The following GLT1D1 variants were observed in gnomAD, a reference collection of about 807,000 sequenced individuals.
GLT1D1 encodes the protein glycosyltransferase 1 domain-containing protein 1.
A neutral mutation model predicts 28.7 loss-of-function variants in GLT1D1; 21 were observed. The observed-to-expected ratio is 0.73, with a 90% confidence interval of 0.52 to 1.05. GLT1D1 has a LOEUF of 1.05. GLT1D1 is among the 50% of genes least tolerant of loss of function. The pLI, the probability that GLT1D1 is intolerant of heterozygous loss-of-function variation, is 0.00. For missense variants in GLT1D1, 343 were observed against 330.6 expected (o/e 1.04, Z -0.29); for synonymous variants, 147 against 124.8 (o/e 1.18, Z -1.19).
intron 4 of GLT1D1, chr12:128,930,424 T>G (rs959689665): frequency 2.6e-5 from 4 of 152,214 alleles, no homozygotes; most frequent in African/African-American, 4.8e-5. Context: ...TTTCCAATTA[T>G]GAAAATTGCC....
intron 4 of GLT1D1, among the ~76,000 whole-genome samples, chr12:128,920,312 C>T (rs7302306): frequency 0.26 from 38,785 of 152,014 alleles, 6,191 homozygotes; most frequent in Non-Finnish European, 0.35. Flanking sequence ...TTCGGGAGGC[C>T]GGAGGCCGAG....
chr12:128,924,614 G>A (rs1213369419), intron 4 of GLT1D1, among the ~76,000 whole-genome samples: 5 of 151,662 alleles, frequency 3.3e-5, no homozygotes, highest in South Asian at 2.1e-4. Flanking sequence ...CCGCCACCAC[G>A]CCCAGTTAAT....
intron 6 of GLT1D1, among the ~76,000 whole-genome samples, chr12:128,953,716 T>C (rs1367344888): frequency 1.3e-5 from 2 of 151,222 alleles, no homozygotes; most frequent in East Asian, 3.9e-4. Flanking sequence ...TTCTTTGGCC[T>C]GTGCGCACTA....
chr12:128,922,751 C>T (rs1447547415), intron 4 of GLT1D1, among the ~76,000 whole-genome samples: 1 of 151,922 alleles, frequency 6.6e-6, no homozygotes, highest in Non-Finnish European at 1.5e-5. Context: ...GGTGAAACCT[C>T]ATCTGTACCA....
Position 128,872,528 on chromosome 12 carries a change from T to C in GLT1D1, c.69-3386T>C, listed in dbSNP as rs190935826. On this transcript the variant is annotated intron_variant, in intron 1 of 7. Transcript: ENST00000281703. The stretch of plus-strand genomic sequence containing the variant: ...TGCCAGAGGTCCTGCTGTGGGAGGG[T>C]GGTTGGAGTGGAGTGCACTTCTGCC... Among the ~76,000 whole-genome samples the C allele has an allele frequency of 3.0e-4, 45 of 151,566 alleles. 1 individual carries two copies. The highest frequency in any genetic ancestry group is 1.8e-4 in the Non-Finnish European group (12 of 67,868).
intron 4 of GLT1D1, among the ~76,000 whole-genome samples, chr12:128,919,021 C>A (rs1872385127): frequency 6.6e-6 from 1 of 152,208 alleles, no homozygotes; most frequent in South Asian, 2.1e-4. Context: ...CTGGTTGTGG[C>A]TCTGATAGCT....
chr12:128,945,167 C>T lies in GLT1D1; in HGVS notation c.376-159C>T, dbSNP rs764229788. On this transcript the variant is annotated intron_variant, in intron 4 of 7. Transcript: ENST00000281703. ...GTGCCCTTGCCCGAGCCGGGGGCCC[C>T]CATGATCACCACACGCAGCAGCCGC... 74 of 782,266 alleles carry T rather than the reference C, an allele frequency of 9.5e-5. 2 individuals are homozygous for T. Among genetic ancestry groups the T allele is most frequent in the South Asian group, 5.1e-4 (36 of 70,002 alleles). The allele number at this position is 782,266 out of a possible 1,614,324, so 48.5% of individuals were successfully genotyped here.
intron 7 of GLT1D1, among the ~76,000 whole-genome samples, chr12:128,972,659 A>G (rs1457986632): frequency 1.3e-5 from 2 of 152,220 alleles, no homozygotes; most frequent in African/African-American, 4.8e-5. Flanking sequence ...GCACAATGAC[A>G]AATGTGCTCT....
chr12:128,930,193 T>C (rs1873715707), intron 4 of GLT1D1: 1 of 152,220 alleles, frequency 6.6e-6, no homozygotes, highest in South Asian at 2.1e-4. Flanking sequence ...TGGTTATTAT[T>C]ATTACTTTTT....
At chr12:128,859,625 T>G (rs1391203444) in intron 1 of GLT1D1, among the ~76,000 whole-genome samples, 1 of 152,124 alleles carries the variant, frequency 6.6e-6, no homozygotes, top group Non-Finnish European at 1.5e-5. Flanking sequence ...TCAGGAGATG[T>G]GGCTGGAGAG....
intron 7 of GLT1D1, among the ~76,000 whole-genome samples, chr12:128,961,290 T>A (rs1877914925): frequency 6.6e-6 from 1 of 152,102 alleles, no homozygotes; most frequent in African/African-American, 2.4e-5. Context: ...TGCAATTCAG[T>A]CCGAGGCTAA....
At chr12:128,925,154 A>G (rs1873074136) in intron 4 of GLT1D1, among the ~76,000 whole-genome samples, 1 of 151,582 alleles carries the variant, frequency 6.6e-6, no homozygotes, top group Admixed American at 6.6e-5. Context: ...TTATATACCT[A>G]TGGACATGTG....
intron 1 of GLT1D1, among the ~76,000 whole-genome samples, chr12:128,865,237 C>T (rs996831986): frequency 1.3e-5 from 2 of 152,220 alleles, no homozygotes; most frequent in African/African-American, 4.8e-5. Context: ...ACGTCAGGCC[C>T]ATAGCACCTG....
intron 4 of GLT1D1, among the ~76,000 whole-genome samples, chr12:128,903,294 T>C (rs1870494784): frequency 6.6e-6 from 1 of 151,618 alleles, no homozygotes; most frequent in African/African-American, 2.4e-5. Context: ...CCTGTCTCCA[T>C]GGGGTCTGTC....
chr12:128,882,817 A>G (rs960114835), intron 2 of GLT1D1, among the ~76,000 whole-genome samples: 1 of 152,158 alleles, frequency 6.6e-6, no homozygotes, highest in Admixed American at 6.6e-5. Context: ...ACTCTTTCCT[A>G]TACACCCTAA....
chr12:128,855,196 G>A (rs1340727552), intron 1 of GLT1D1, among the ~76,000 whole-genome samples: 2 of 136,970 alleles, frequency 1.5e-5, no homozygotes, highest in Non-Finnish European at 3.0e-5. Flanking sequence ...CTGCACTCTA[G>A]CCTGGGTGAC....
chr12:128,957,982 A>G (rs470919), intron 7 of GLT1D1, among the ~76,000 whole-genome samples: 151,227 of 152,402 alleles, frequency 0.99, 75,035 homozygotes, highest in East Asian at 1. Flanking sequence ...CTGGCTTTCA[A>G]AGGACGGGCG....
At chr12:128,934,253 G>C (rs543999908) in intron 4 of GLT1D1, among the ~76,000 whole-genome samples, 29 of 144,612 alleles carry the variant, frequency 2.0e-4, no homozygotes, top group Non-Finnish European at 3.0e-4. Context: ...GCCCAGGCTG[G>C]ATTGAAGTGG....
At chr12:128,862,701 C>T (rs950016511) in intron 1 of GLT1D1, among the ~76,000 whole-genome samples, 18 of 152,142 alleles carry the variant, frequency 1.2e-4, no homozygotes, top group African/African-American at 4.3e-4. Flanking sequence ...TTGAGCGTCT[C>T]CCATGGGTAC....
Sources: allele counts gnomAD v4.1 joint callset (sites outside exome capture counted in the v4.1 genomes callset), GRCh38; gene constraint gnomAD v4.1.1; transcripts MANE v1.5; gene names NCBI Gene and HGNC (gene_info 2026-07-23, HGNC 2026-07-21).